The following ALPK1 variants were observed in gnomAD, a reference collection of about 807,000 sequenced individuals.
ALPK1 encodes alpha-protein kinase 1.
In ALPK1, 110 loss-of-function variants were observed where a neutral mutation model predicts 120.6. That is an observed-to-expected ratio of 0.91 (90% CI 0.78 to 1.07). The LOEUF (loss-of-function observed/expected upper bound fraction) is 1.07, where lower values mean the gene tolerates loss of function less well. ALPK1 is among the 50% of genes least tolerant of loss of function. The probability of loss-of-function intolerance (pLI) is 0.00; values close to 1 mark genes in which losing one functional copy is unlikely to be tolerated. For missense variants in ALPK1, 1,498 were observed against 1,483.9 expected (o/e 1.01, Z -0.16); for synonymous variants, 582 against 560.3 (o/e 1.04, Z -0.55).
At chr4:112,352,607 A>T (rs781006847) in intron 2 of ALPK1, 1 of 152,178 alleles carries the variant, frequency 6.6e-6, no homozygotes, top group African/African-American at 2.4e-5. Context: ...TGTTATATTG[A>T]ATTGGTTTTT....
intron 5 of ALPK1, 177 bp from the exon 6 acceptor site, chr4:112,423,767 A>G (rs1734106397): frequency 1.4e-6 from 1 of 727,372 alleles, no homozygotes; most frequent in Non-Finnish European, 2.5e-6. Context: ...GGAAAACTTC[A>G]TCTTTCTTTT....
rs188077369 is a variant in ALPK1, at chr4:112,388,773, C to T, written c.276+6221C>T. 1.4e-4 allele frequency among the ~76,000 whole-genome samples: 22 copies of T among 152,288 alleles called. No individual in the cohort carries two copies. In the East Asian group the frequency reaches 4.2e-3, roughly 29 times the overall value. On this transcript the variant is annotated intron_variant, in intron 4 of 15. Coordinates refer to ENST00000650871, the MANE Select transcript of ALPK1 (RefSeq NM_025144.4). ...ACCCAATTCATGTCCTGGAAAACTACAAAAATGAAGACAGAGGGCAACCCT... is the reference window on the plus strand; with the variant it reads ...ACCCAATTCATGTCCTGGAAAACTATAAAAATGAAGACAGAGGGCAACCCT...
At chr4:112,425,477 C>T (rs1734194500) in intron 6 of ALPK1, 188 bp from the exon 7 acceptor site, 2 of 449,036 alleles carry the variant, frequency 4.5e-6, no homozygotes, top group Non-Finnish European at 8.4e-6. Context: ...GAACTGGAGA[C>T]CAGACAGGAG....
chr4:112,318,352 G>T (rs1002742187), intron 2 of ALPK1, among the ~76,000 whole-genome samples: 1 of 152,178 alleles, frequency 6.6e-6, no homozygotes, highest in Non-Finnish European at 1.5e-5. Flanking sequence ...ATGAGGAAGT[G>T]GTGTTAACTC....
chr4:112,337,552 A>G (rs1729673425), intron 2 of ALPK1, among the ~76,000 whole-genome samples: 1 of 152,162 alleles, frequency 6.6e-6, no homozygotes, highest in Admixed American at 6.5e-5. Flanking sequence ...TTAAAAATAA[A>G]AATGAGCCAG....
chr4:112,302,174 T>A (rs1727818432), intron 1 of ALPK1, among the ~76,000 whole-genome samples: 1 of 152,120 alleles, frequency 6.6e-6, no homozygotes, highest in Admixed American at 6.5e-5. Context: ...TTTCTCCCAG[T>A]CACCATTCCT....
intron 4 of ALPK1, chr4:112,384,028 A>G (rs1732042701): frequency 6.6e-6 from 1 of 152,230 alleles, no homozygotes; most frequent in Admixed American, 6.5e-5. Context: ...CTAAATGTAT[A>G]TTGCTTTCAC....
intron 2 of ALPK1, among the ~76,000 whole-genome samples, chr4:112,362,012 AG>A (rs1682152776): frequency 6.6e-6 from 1 of 152,236 alleles, no homozygotes; most frequent in Non-Finnish European, 1.5e-5. Context: ...TCTGGCTCTC[AG>A]GAAGCCCCAT....
At chr4:112,356,710 CGAGGACTTGGTCAA>C in intron 2 of ALPK1, 1 of 969,142 alleles carries the variant, frequency 1.0e-6, no homozygotes, top group Admixed American at 1.7e-5. Flanking sequence ...TCCTGGACAT[CGAGGACTTGGTCAA>C]GAGGGGAAGC....
chr4:112,312,455 G>A (rs533608462), intron 1 of ALPK1, among the ~76,000 whole-genome samples: 4 of 152,156 alleles, frequency 2.6e-5, no homozygotes, highest in Admixed American at 2.6e-4. Flanking sequence ...TGTATTTTTG[G>A]TAGAGACGGG....
intron 4 of ALPK1, among the ~76,000 whole-genome samples, chr4:112,389,324 G>A (rs10012362): frequency 0.35 from 52,507 of 151,992 alleles, 9,205 homozygotes; most frequent in East Asian, 0.53. Context: ...GATTACAAGC[G>A]TGAGCCACCG....
chr4:112,385,315 T>G (rs1037381220), intron 4 of ALPK1, among the ~76,000 whole-genome samples: 5 of 152,240 alleles, frequency 3.3e-5, no homozygotes, highest in Non-Finnish European at 7.3e-5. Flanking sequence ...CCTCCCGCTA[T>G]GCCTCTCTAT....
At chr4:112,356,020 C>T (rs1730594791) in intron 2 of ALPK1, 1 of 687,718 alleles carries the variant, frequency 1.5e-6, no homozygotes, top group Non-Finnish European at 2.7e-6. Flanking sequence ...TGTGCATGCT[C>T]GCATCACTTA....
chr4:112,343,396 C>T (rs1729949786), intron 2 of ALPK1: 1 of 152,164 alleles, frequency 6.6e-6, no homozygotes, highest in Non-Finnish European at 1.5e-5. Flanking sequence ...TCTGTGTCGT[C>T]TTAGAGTTCA....
chr4:112,426,530 A>C lies in ALPK1; in HGVS notation c.686A>C (p.Gln229Pro). Residue 229 changes from glutamine to proline, a missense_variant, in exon 8 of 16, where the codon CAG (glutamine) becomes CCG (proline). Gln to Pro is a moderately conservative substitution (Grantham distance 76). Transcript: ENST00000650871. ...ASIVGYLALP[Q>P]PDKKGLSTSL... ...ATTGTAGGATATTTGGCACTTCCTC[A>C]GCCGGATAAAAAGGTGGTTTGTCTA... 1 of 1,576,190 alleles carries C rather than the reference A, an allele frequency of 6.3e-7. No individual in the cohort carries two copies.
At chr4:112,298,060 C>A (rs1727622015) in intron 1 of ALPK1, among the ~76,000 whole-genome samples, 1 of 152,074 alleles carries the variant, frequency 6.6e-6, no homozygotes, top group Non-Finnish European at 1.5e-5. Context: ...CTTTGCATGT[C>A]TATTTAGAAA....
At chr4:112,354,106 T>C (rs1325488116) in intron 2 of ALPK1, among the ~76,000 whole-genome samples, 2 of 152,200 alleles carry the variant, frequency 1.3e-5, no homozygotes, top group Non-Finnish European at 2.9e-5. Context: ...AGGGTAGAAA[T>C]CTTTTGTCAG....
At chr4:112,388,221 G>A (rs115493168) in intron 4 of ALPK1, among the ~76,000 whole-genome samples, 1,644 of 152,270 alleles carry the variant, frequency 0.011, 34 homozygotes, top group African/African-American at 0.038. Context: ...TAAGATGTTA[G>A]AGGGGTGAGA....
At chr4:112,381,794 A>G (rs9884299) in intron 3 of ALPK1, among the ~76,000 whole-genome samples, 72,047 of 152,114 alleles carry the variant, frequency 0.47, 17,685 homozygotes, top group East Asian at 0.82. Context: ...AGGAGATTAT[A>G]GACCATTATA....
Sources: allele counts gnomAD v4.1 joint callset (sites outside exome capture counted in the v4.1 genomes callset), GRCh38; gene constraint gnomAD v4.1.1; transcripts MANE v1.5; gene names NCBI Gene and HGNC (gene_info 2026-07-23, HGNC 2026-07-21).